Variants in RBMS3 observed in about 807,000 individuals in gnomAD.
The protein encoded by RBMS3 is RNA binding motif single stranded interacting protein 3.
In RBMS3, 27 loss-of-function variants were observed where a neutral mutation model predicts 66.8. That is an observed-to-expected ratio of 0.40 (90% CI 0.30 to 0.56). The LOEUF is 0.56. RBMS3 is among the 20% of genes least tolerant of loss of function. RBMS3 has a pLI of 0.40. For missense variants in RBMS3, 513 were observed against 549.5 expected, an observed-to-expected ratio of 0.93 and a Z score of 0.66; for synonymous variants, 188 against 183.0, an observed-to-expected ratio of 1.03 and a Z score of -0.22.
At chr3:29,585,179 C>T (rs1048247114) in intron 3 of RBMS3, among the ~76,000 whole-genome samples, 18 of 152,072 alleles carry the variant, frequency 1.2e-4, no homozygotes, top group Admixed American at 8.5e-4. Context: ...AGCCGATGAA[C>T]GGATGAGGAA....
At chr3:29,508,962 T>C (rs2044289836) in intron 3 of RBMS3, among the ~76,000 whole-genome samples, 1 of 151,858 alleles carries the variant, frequency 6.6e-6, no homozygotes, top group South Asian at 2.1e-4. Flanking sequence ...GATGATGAGC[T>C]TTTCTTCATG....
At chr3:29,631,910 CA>C (rs1397297668) in intron 4 of RBMS3, among the ~76,000 whole-genome samples, 1 of 151,822 alleles carries the variant, frequency 6.6e-6, no homozygotes, top group African/African-American at 2.4e-5. Context: ...TCCTCACTCC[CA>C]AAAAACTTCA....
chr3:29,329,184 G>GT (rs1393440703), intron 1 of RBMS3, among the ~76,000 whole-genome samples: 1 of 152,012 alleles, frequency 6.6e-6, no homozygotes, highest in African/African-American at 2.4e-5. Flanking sequence ...TCTCCAGTTG[G>GT]TTTTTTGTGT....
At chr3:29,419,906 A>T (rs2040631822) in intron 1 of RBMS3, among the ~76,000 whole-genome samples, 1 of 152,210 alleles carries the variant, frequency 6.6e-6, no homozygotes, top group South Asian at 2.1e-4. Context: ...GGCAGTTTGT[A>T]TCATTACTAT....
intron 1 of RBMS3, among the ~76,000 whole-genome samples, chr3:29,402,053 T>C (rs905586830): frequency 6.6e-6 from 1 of 152,016 alleles, no homozygotes; most frequent in Non-Finnish European, 1.5e-5. Context: ...TGTTGAGACA[T>C]GTGGGTGATT....
At chr3:29,947,065 G>T (rs1001288957) in intron 12 of RBMS3, among the ~76,000 whole-genome samples, 2 of 151,486 alleles carry the variant, frequency 1.3e-5, no homozygotes, top group Admixed American at 6.6e-5. Flanking sequence ...GTGGATGAGA[G>T]ATAGAAAACA....
chr3:29,598,981 A>T (rs982639220), intron 4 of RBMS3, among the ~76,000 whole-genome samples: 9 of 152,150 alleles, frequency 5.9e-5, no homozygotes, highest in African/African-American at 2.2e-4. Flanking sequence ...TTGTGCAGTA[A>T]CAGAACTAAA....
chr3:29,981,600 C>A (rs1323558865), intron 12 of RBMS3, among the ~76,000 whole-genome samples: 1 of 152,030 alleles, frequency 6.6e-6, no homozygotes, highest in East Asian at 1.9e-4. Context: ...TTGATACGTT[C>A]CATCAATATC....
At chr3:29,730,796 A>G in intron 4 of RBMS3, 2 of 903,888 alleles carry the variant, frequency 2.2e-6, no homozygotes, top group Non-Finnish European at 2.6e-6. Flanking sequence ...CACGAGTACA[A>G]AACAATATAT....
chr3:29,462,413 T>C (rs2042402685), intron 2 of RBMS3, among the ~76,000 whole-genome samples: 1 of 152,220 alleles, frequency 6.6e-6, no homozygotes, highest in Non-Finnish European at 1.5e-5. Context: ...TGCCTCCTAA[T>C]TCAATGATGT....
intron 5 of RBMS3, among the ~76,000 whole-genome samples, chr3:29,747,909 A>AGGC: frequency 6.6e-6 from 1 of 151,912 alleles, no homozygotes; most frequent in Admixed American, 6.6e-5. Flanking sequence ...CTTGAAGGTG[A>AGGC]TGTTTCACCA....
intron 3 of RBMS3, among the ~76,000 whole-genome samples, chr3:29,508,708 T>C (rs2044279988): frequency 6.6e-6 from 1 of 152,006 alleles, no homozygotes; most frequent in South Asian, 2.1e-4. Flanking sequence ...CCTTTCGGTA[T>C]ATACCCAGTT....
At chr3:29,466,248 G>A (rs1177466727) in intron 2 of RBMS3, among the ~76,000 whole-genome samples, 1 of 151,896 alleles carries the variant, frequency 6.6e-6, no homozygotes, top group African/African-American at 2.4e-5. Flanking sequence ...TATTGCAACG[G>A]CAGCTGAATT....
chr3:29,300,499 T>C (rs2033602516), intron 1 of RBMS3, among the ~76,000 whole-genome samples: 1 of 151,972 alleles, frequency 6.6e-6, no homozygotes, highest in Non-Finnish European at 1.5e-5. Context: ...ATGGATATAA[T>C]GACTGAGGAA....
At chr3:29,797,058 A>G (rs1451658265) in intron 6 of RBMS3, among the ~76,000 whole-genome samples, 1 of 152,032 alleles carries the variant, frequency 6.6e-6, no homozygotes, top group Non-Finnish European at 1.5e-5. Flanking sequence ...CTAATGAGAC[A>G]GTCAGCCTGT....
At chr3:29,580,875 A>G (rs2047305928) in intron 3 of RBMS3, among the ~76,000 whole-genome samples, 1 of 152,156 alleles carries the variant, frequency 6.6e-6, no homozygotes. Flanking sequence ...TTTTCTGTAT[A>G]GTGGATATTG....
At chr3:29,454,659 G>A (rs907582485) in intron 2 of RBMS3, among the ~76,000 whole-genome samples, 2 of 152,178 alleles carry the variant, frequency 1.3e-5, no homozygotes, top group Non-Finnish European at 2.9e-5. Flanking sequence ...CATAAATGAA[G>A]TAAGTAGAAT....
intron 2 of RBMS3, among the ~76,000 whole-genome samples, chr3:29,468,694 T>A (rs2042620910): frequency 1.3e-5 from 2 of 152,192 alleles, no homozygotes; most frequent in South Asian, 4.1e-4. Flanking sequence ...TTATTTCACA[T>A]AAAATTGGCT....
chr3:29,515,294 C>T (rs940142137), intron 3 of RBMS3, among the ~76,000 whole-genome samples: 1 of 152,140 alleles, frequency 6.6e-6, no homozygotes, highest in Non-Finnish European at 1.5e-5. Flanking sequence ...AAGTGCATGA[C>T]ATTTTCTGAT....
Sources: gnomAD v4.1 joint callset for allele counts (sites outside exome capture counted in the v4.1 genomes callset) on GRCh38, gnomAD v4.1.1 for gene constraint, MANE v1.5 for transcripts, NCBI Gene and HGNC (gene_info 2026-07-23, HGNC 2026-07-21) for gene names.